CELSR1: variants seen among roughly 807,000 people sequenced by gnomAD.
CELSR1 encodes cadherin EGF LAG seven-pass G-type receptor 1.
Under a neutral mutation model 249.1 loss-of-function variants are expected in CELSR1, and 110 were observed. That is an observed-to-expected ratio of 0.44 (90% CI 0.38 to 0.52). The LOEUF (loss-of-function observed/expected upper bound fraction) is 0.52. Ranked by LOEUF, CELSR1 falls within the 20% of genes least tolerant of loss-of-function variation. CELSR1 has a pLI of 0.00. For synonymous variants in CELSR1, 2,113 were observed against 1,900.0 expected (o/e 1.11, Z -2.92); for missense variants, 4,109 against 4,296.4 (o/e 0.96, Z 1.22).
intron 2 of CELSR1, among the ~76,000 whole-genome samples, chr22:46,456,303 G>A (rs2079948273): frequency 6.6e-6 from 1 of 152,214 alleles, no homozygotes; most frequent in African/African-American, 2.4e-5. Flanking sequence ...GAACTTGCAG[G>A]CTGGGAGGGA....
chr22:46,419,926 TAC>T (rs1199045356), intron 5 of CELSR1, among the ~76,000 whole-genome samples: 3 of 150,928 alleles, frequency 2.0e-5, no homozygotes, highest in South Asian at 4.2e-4. Context: ...CGCTCACACG[TAC>T]ACTTACCCAA....
At chr22:46,481,425 C>T (rs1159671063) in intron 1 of CELSR1, 11 of 1,530,250 alleles carry the variant, frequency 7.2e-6, no homozygotes, top group Non-Finnish European at 9.9e-6. Flanking sequence ...CACCTTCCAG[C>T]TTCTGCTTCA....
rs1421979432 is a variant in CELSR1, at chr22:46,441,084, C to T, written c.4184-1673G>A. Among the ~76,000 whole-genome samples, 4 of 149,424 alleles carry T rather than the reference C, an allele frequency of 2.7e-5. No individual in the cohort carries two copies. Among genetic ancestry groups the T allele is most frequent in the Non-Finnish European group, 4.4e-5 (3 of 67,758 alleles). Reference sequence around the variant, plus strand: ...AGGAGAACTGCTTCAACCCGGGAGGCGGAGGTTGTAGCGAGCCGAGGTCAC... The same window carrying T: ...AGGAGAACTGCTTCAACCCGGGAGGTGGAGGTTGTAGCGAGCCGAGGTCAC... On this transcript the variant is annotated intron_variant, in intron 2 of 34. Transcript: ENST00000674500. The surrounding 1 kb of genome is among the most constrained non-coding windows in gnomAD (Gnocchi z 6.1).
chr22:46,372,781 A>T, intron 25 of CELSR1, 102 bp downstream of exon 25: 1 of 1,420,456 alleles, frequency 7.0e-7, no homozygotes, highest in Non-Finnish European at 9.5e-7. Context: ...CTGGACAAGC[A>T]TTGGGGCTGG....
At chr22:46,462,451 C>T (rs1267184222) in intron 2 of CELSR1, among the ~76,000 whole-genome samples, 1 of 152,204 alleles carries the variant, frequency 6.6e-6, no homozygotes. Flanking sequence ...TGCGCTCTTC[C>T]TGCCTGATAA....
intron 1 of CELSR1, among the ~76,000 whole-genome samples, chr22:46,523,980 G>A (rs2080712055): frequency 6.6e-6 from 1 of 152,208 alleles, no homozygotes; most frequent in Admixed American, 6.5e-5. Context: ...CCATGTGCAG[G>A]TAACTCTCAG....
chr22:46,368,043 G>A (rs2078807290), intron 27 of CELSR1, among the ~76,000 whole-genome samples, 188 bp from the exon 28 acceptor site: 1 of 152,200 alleles, frequency 6.6e-6, no homozygotes, highest in African/African-American at 2.4e-5. Context: ...ACTCATCCGG[G>A]AACCAGACAG....
chr22:46,363,989 T>A lies in CELSR1; in HGVS notation c.9035+7A>T, dbSNP rs147098812. ...TGATCCCCGCCCTGGAGGCCCAGGC[T>A]ACTCACTCAGAGTCGGAGCCATCGG... On this transcript the variant is annotated splice_region_variant and intron_variant, in intron 34 of 34. Transcript: ENST00000674500. The surrounding 1 kb of genome is among the most constrained non-coding windows in gnomAD (Gnocchi z 4.3). 6.3e-7 allele frequency: 1 copy of A among 1,593,618 alleles called. No homozygotes were observed. Among genetic ancestry groups the A allele is most frequent in the Non-Finnish European group, 8.5e-7 (1 of 1,171,098 alleles).
At chr22:46,432,970 TA>T (rs780708547) in intron 5 of CELSR1, among the ~76,000 whole-genome samples, 2 of 151,396 alleles carry the variant, frequency 1.3e-5, no homozygotes, top group Non-Finnish European at 2.9e-5. Flanking sequence ...ATAGCACATT[TA>T]AAAAAAAATT....
chr22:46,426,198 T>A (rs1288297607), intron 5 of CELSR1, among the ~76,000 whole-genome samples: 2 of 119,302 alleles, frequency 1.7e-5, no homozygotes, highest in Non-Finnish European at 3.5e-5. Context: ...GTTGTTTAGA[T>A]AATGGAAGGT....
intron 2 of CELSR1, among the ~76,000 whole-genome samples, chr22:46,461,221 G>T (rs781372780): frequency 4.6e-5 from 7 of 152,200 alleles, no homozygotes; most frequent in Non-Finnish European, 1.0e-4. Flanking sequence ...TATCTCCGAG[G>T]GAAATACATA....
chr22:46,505,355 C>T (rs969872935), intron 1 of CELSR1, among the ~76,000 whole-genome samples: 85 of 151,290 alleles, frequency 5.6e-4, no homozygotes, highest in African/African-American at 2.0e-3. Flanking sequence ...ACTTGCAAAC[C>T]GGGCGCGGTG....
intron 1 of CELSR1, among the ~76,000 whole-genome samples, chr22:46,505,268 A>AAAAAAG (rs2147746402): frequency 6.6e-6 from 1 of 151,042 alleles, no homozygotes; most frequent in East Asian, 1.9e-4. Context: ...TCTCAAAAAA[A>AAAAAAG]AAAAAAAAAA....
chr22:46,388,561 G>A (rs980060970), intron 18 of CELSR1, among the ~76,000 whole-genome samples: 6 of 151,498 alleles, frequency 4.0e-5, no homozygotes, highest in Non-Finnish European at 8.8e-5. Context: ...GGAGGTCCCT[G>A]AGGGCTCCGT....
intron 1 of CELSR1, among the ~76,000 whole-genome samples, chr22:46,519,694 C>A (rs1451348419): frequency 6.6e-6 from 1 of 152,178 alleles, no homozygotes; most frequent in Non-Finnish European, 1.5e-5. Context: ...TGCAGAAAAA[C>A]CAGGAAACAC....
intron 24 of CELSR1, among the ~76,000 whole-genome samples, chr22:46,376,369 C>T (rs1159170747): frequency 6.6e-6 from 1 of 152,162 alleles, no homozygotes; most frequent in Non-Finnish European, 1.5e-5. Flanking sequence ...AGTCTTTCTA[C>T]ATCTTAAATC....
At chr22:46,382,426 C>T (rs7291457) in intron 20 of CELSR1, among the ~76,000 whole-genome samples, 28,363 of 151,714 alleles carry the variant, frequency 0.19, 4,586 homozygotes, top group African/African-American at 0.45. Flanking sequence ...TACAGGTGCC[C>T]GCCACCACGC....
Position 46,423,603 on chromosome 22 carries a change from C to G in CELSR1, c.4611+9790G>C, listed in dbSNP as rs1031125364. Among the ~76,000 whole-genome samples, 3 of 119,702 alleles carry G rather than the reference C, an allele frequency of 2.5e-5. No individual in the cohort carries two copies. The highest frequency in any genetic ancestry group is 4.9e-5 in the Non-Finnish European group (3 of 61,644). 78.5% of individuals were successfully genotyped at this position (119,702 alleles called of 152,430 possible). Reference sequence around the variant, plus strand: ...CTGGGCAACAGGAGCGAAACTTCGTCTCAGAAAAAAAAAAAAAAAAAGACT... The same window carrying G: ...CTGGGCAACAGGAGCGAAACTTCGTGTCAGAAAAAAAAAAAAAAAAAGACT... On this transcript the variant is annotated intron_variant, in intron 5 of 34. Transcript: ENST00000674500. The surrounding 1 kb of genome is among the most constrained non-coding windows in gnomAD (Gnocchi z 5.6).
intron 5 of CELSR1, among the ~76,000 whole-genome samples, chr22:46,432,841 C>T (rs1234694816): frequency 6.6e-6 from 1 of 152,096 alleles, no homozygotes; most frequent in African/African-American, 2.4e-5. Flanking sequence ...AGGAGATCTC[C>T]GGGGTCCCTG....
Sources: allele counts gnomAD v4.1 joint callset (sites outside exome capture counted in the v4.1 genomes callset), GRCh38; gene constraint gnomAD v4.1.1; non-coding constraint Gnocchi (gnomAD v3.1); transcripts MANE v1.5; gene names NCBI Gene and HGNC (gene_info 2026-07-23, HGNC 2026-07-21).